Variants in PCLAF observed in about 807,000 individuals in gnomAD.
The protein encoded by PCLAF is PCNA clamp associated factor.
Under a neutral mutation model 15.1 loss-of-function variants are expected in PCLAF, and 12 were observed. The ratio of observed to expected loss-of-function variants is 0.79; its 90% confidence interval spans 0.51 to 1.29. The LOEUF (loss-of-function observed/expected upper bound fraction) is 1.29. Ranked by LOEUF, PCLAF falls within the 50% of genes most tolerant of loss-of-function variation. The pLI is 0.00. For missense variants in PCLAF, 116 were observed against 130.9 expected (o/e 0.89, Z 0.56); for synonymous variants, 33 against 47.1 (o/e 0.70, Z 1.22).
At position 64,386,463 on chromosome 15, in the gene PCLAF, G is replaced by T. The variant is rs141176279; in HGVS notation, n.241+984C>A. ...AGCCTTTCAAGTAGCTGAGACTACA[G>T]GCATGTGCCACCATGCCAGGCTAAT... On this transcript the variant is annotated intron_variant and non_coding_transcript_variant, in intron 1 of 1. Transcript: ENST00000558250. Among the ~76,000 whole-genome samples the T allele has an allele frequency of 6.0e-3, 921 of 152,242 alleles. 9 individuals are homozygous for T. The highest frequency in any genetic ancestry group is 0.021 in the African/African-American group (866 of 41,554).
chr15:64,383,032 T>G, upstream of PCLAF: 1 of 160,180 alleles, frequency 6.2e-6, no homozygotes, highest in South Asian at 1.5e-4. Flanking sequence ...GAACTTGCTT[T>G]GGGATGTATT....
At chr15:64,380,760 C>T (rs1899786872) in intron 2 of PCLAF, among the ~76,000 whole-genome samples, 198 bp downstream of exon 2, 1 of 152,068 alleles carries the variant, frequency 6.6e-6, no homozygotes, top group Non-Finnish European at 1.5e-5. Flanking sequence ...GTCCTTAACT[C>T]CAAGGCTTGA....
chr15:64,380,995 G>A lies in PCLAF; in HGVS notation c.90C>T (p.Thr30=). ...AAACTGATGTCGAATTAGTGGCAGA[G>A]GTGGAAGAACCAAGCACCTTTCTGG... is the stretch of plus-strand genomic sequence containing the variant. ...RAPRKVLGSS[T]SATNSTSVSS... The change falls in exon 2 of 4, where the codon ACC becomes ACT. Residue 30 remains threonine (T), a synonymous_variant. Coordinates refer to ENST00000300035, the MANE Select transcript of PCLAF (RefSeq NM_014736.6). 1 of 1,614,120 alleles carries A rather than the reference G, an allele frequency of 6.2e-7. No homozygotes were observed. Among genetic ancestry groups the A allele is most frequent in the Non-Finnish European group, 8.5e-7 (1 of 1,180,026 alleles).
At chr15:64,371,783 G>A (rs1899325980) in intron 3 of PCLAF, among the ~76,000 whole-genome samples, 1 of 151,948 alleles carries the variant, frequency 6.6e-6, no homozygotes, top group Non-Finnish European at 1.5e-5. Context: ...TTTTAGTAGA[G>A]ACCGAGTTTC....
Position 64,364,467 on chromosome 15 carries a change from T to C in PCLAF, c.*1563A>G, listed in dbSNP as rs1487065999. On this transcript the variant is annotated 3_prime_UTR_variant, in exon 4 of 4. Transcript: ENST00000300035. ...CCTCTGGTTATGTTGAAAAATGTCA[T>C]AGTAGCTCTTAGGAGTTTTGCCATG... 6.6e-6 allele frequency: 1 copy of C among 152,162 alleles called. No individual in the cohort carries two copies. Among genetic ancestry groups the C allele is most frequent in the Non-Finnish European group, 1.5e-5 (1 of 68,022 alleles). The allele number at this position is 152,162 out of a possible 1,614,324, so 9.4% of individuals were successfully genotyped here.
At chr15:64,375,895 A>C (rs1664454688) in intron 3 of PCLAF, among the ~76,000 whole-genome samples, 2 of 152,184 alleles carry the variant, frequency 1.3e-5, no homozygotes, top group African/African-American at 2.4e-5. Flanking sequence ...CCTCTTTGAG[A>C]GATTGGGAAG....
At position 64,366,475 on chromosome 15, in the gene PCLAF, C is replaced by A. The variant is rs115868514; in HGVS notation, c.291-400G>T. On this transcript the variant is annotated intron_variant, in intron 3 of 3. Coordinates refer to ENST00000300035, the MANE Select transcript of PCLAF (RefSeq NM_014736.6). Reference sequence around the variant, plus strand: ...AACCAATCCACTTTAGCAGAGAAAACATATAGCAAGTTGTCCTTTGACTAT... The same window carrying A: ...AACCAATCCACTTTAGCAGAGAAAAAATATAGCAAGTTGTCCTTTGACTAT... 6.9e-3 allele frequency among the ~76,000 whole-genome samples: 1,054 copies of A among 152,248 alleles called. 11 individuals carry two copies. The highest frequency in any genetic ancestry group is 0.017 in the African/African-American group (710 of 41,558).
rs1289167284 is a variant in PCLAF at position 64,381,315 on chromosome 15, G to T, written c.46+11C>A. Reference sequence around the variant, plus strand: ...CCCCCCGCCCTCCAGTACCACACTCGATCGCCTCACCTTTTCTGTAAGTGC... The same window carrying T: ...CCCCCCGCCCTCCAGTACCACACTCTATCGCCTCACCTTTTCTGTAAGTGC... On this transcript the variant is annotated intron_variant, in intron 1 of 3. Transcript: ENST00000300035. 6.2e-7 allele frequency: 1 copy of T among 1,614,000 alleles called. No homozygotes were observed. The highest frequency in any genetic ancestry group is 2.2e-5 in the East Asian group (1 of 44,868).
At chr15:64,373,179 A>C (rs1158209797) in intron 3 of PCLAF, 1 of 152,284 alleles carries the variant, frequency 6.6e-6, no homozygotes, top group Non-Finnish European at 1.5e-5. Context: ...AGCCTTGTAG[A>C]TTTAACAAAC....
chr15:64,385,179 G>A (rs543522010), upstream of PCLAF, among the ~76,000 whole-genome samples: 5 of 151,988 alleles, frequency 3.3e-5, no homozygotes, highest in Non-Finnish European at 7.4e-5. Flanking sequence ...TGTGGGCTAC[G>A]GTACCCAGCC....
At chr15:64,366,175 C>A in intron 3 of PCLAF, 100 bp from the exon 4 acceptor site, 1 of 757,854 alleles carries the variant, frequency 1.3e-6, no homozygotes. Flanking sequence ...ATTAACAGTG[C>A]AGTAGATCTG....
chr15:64,381,440 G>C lies in PCLAF; in HGVS notation c.-69C>G. On this transcript the variant is annotated 5_prime_UTR_variant, in exon 1 of 4. Coordinates refer to ENST00000300035, the MANE Select transcript of PCLAF (RefSeq NM_014736.6). ...CAGCCGAGGGTGTTTCACTGGACAA[G>C]GACCCGAAAACTATCCCGCCACAGT... The C allele has an allele frequency of 6.2e-7, 1 of 1,611,418 alleles. No homozygotes were observed. Among genetic ancestry groups the C allele is most frequent in the Non-Finnish European group, 8.5e-7 (1 of 1,178,456 alleles).
At chr15:64,374,451 C>G (rs755380269) in intron 3 of PCLAF, among the ~76,000 whole-genome samples, 3 of 151,726 alleles carry the variant, frequency 2.0e-5, no homozygotes, top group Non-Finnish European at 4.4e-5. Context: ...AGGGAGGAGA[C>G]TGGTGTGAAC....
chr15:64,373,872 C>G (rs1899467675), intron 3 of PCLAF: 1 of 1,105,386 alleles, frequency 9.0e-7, no homozygotes, highest in Non-Finnish European at 1.2e-6. Flanking sequence ...TGTTTCGAAA[C>G]AAAACATTTA....
chr15:64,386,864 C>T (rs1899952861), intron 1 of PCLAF, among the ~76,000 whole-genome samples: 1 of 152,154 alleles, frequency 6.6e-6, no homozygotes, highest in South Asian at 2.1e-4. Context: ...GAACTTTTAA[C>T]CTGCAAATGC....
At chr15:64,373,527 A>C in intron 3 of PCLAF, 1 of 1,181,422 alleles carries the variant, frequency 8.5e-7, no homozygotes, top group Non-Finnish European at 1.1e-6. Context: ...AGGGCAAGCA[A>C]GACCACAAGG....
At position 64,376,718 on chromosome 15, in the gene PCLAF, T is replaced by C. The variant is rs774911661; in HGVS notation, c.290+25A>G. ...ACAGGCGTGAGATAAATATTTTCTT[T>C]ATATTCCAGAATATAAAAACTTACT... is the stretch of plus-strand genomic sequence containing the variant. On this transcript the variant is annotated intron_variant, in intron 3 of 3. Coordinates refer to ENST00000300035, the MANE Select transcript of PCLAF (RefSeq NM_014736.6). The C allele has an allele frequency of 4.4e-6, 7 of 1,587,988 alleles. No individual in the cohort carries two copies. In the Admixed American group the frequency reaches 7.0e-5, roughly 16 times the overall value.
At chr15:64,377,036 TAAAG>T (rs1899623028) in intron 2 of PCLAF, 131 bp from the exon 3 acceptor site, 1 of 686,414 alleles carries the variant, frequency 1.5e-6, no homozygotes, top group South Asian at 2.7e-5. Context: ...ATATACAACT[TAAAG>T]AATTAGAAAA....
At chr15:64,368,950 A>G (rs995703573) in intron 3 of PCLAF, among the ~76,000 whole-genome samples, 7 of 152,224 alleles carry the variant, frequency 4.6e-5, no homozygotes, top group African/African-American at 1.7e-4. Context: ...AGTCTTGACT[A>G]TCAGCTTGTT....
Sources: gnomAD v4.1 joint callset for allele counts (sites outside exome capture counted in the v4.1 genomes callset) on GRCh38, gnomAD v4.1.1 for gene constraint, MANE v1.5 for transcripts, NCBI Gene and HGNC (gene_info 2026-07-23, HGNC 2026-07-21) for gene names.